Variants in LRP1B observed in about 807,000 individuals in gnomAD.
The protein encoded by LRP1B is LDL receptor related protein 1B.
LRP1B carries 217 observed loss-of-function variants against 556.6 expected under a neutral mutation model. The observed-to-expected ratio is 0.39, with a 90% CI of 0.35 to 0.44. The LOEUF (loss-of-function observed/expected upper bound fraction) is 0.44, where lower values mean the gene tolerates loss of function less well. LRP1B is among the 20% of genes least tolerant of loss of function. LRP1B has a pLI of 1.00. For synonymous variants in LRP1B, 2,047 were observed against 1,865.8 expected (o/e 1.10, Z -2.50); for missense variants, 5,053 against 5,620.8 (o/e 0.90, Z 3.23).
intron 2 of LRP1B, among the ~76,000 whole-genome samples, chr2:141,776,401 T>A (rs1695073382): frequency 6.6e-6 from 1 of 152,242 alleles, no homozygotes; most frequent in Non-Finnish European, 1.5e-5. Flanking sequence ...GCTGCGACAC[T>A]CAGAGTCCAT....
rs1685403171 is a variant in LRP1B, at chr2:141,544,313, C to CTTCTTCTTCTT, written c.206-63791_206-63781dup. On this transcript the variant is annotated intron_variant, in intron 2 of 90. Coordinates refer to ENST00000389484, the MANE Select transcript of LRP1B (RefSeq NM_018557.3). ...ATTTACCACTCTTCTTCTTCTTCTT[C>CTTCTTCTTCTT]TTCTTCTTCTTCTTCTTCTTCTTCT... 3.9e-4 allele frequency among the ~76,000 whole-genome samples: 10 copies of CTTCTTCTTCTT among 25,562 alleles called. 1 individual carries two copies. Among genetic ancestry groups the CTTCTTCTTCTT allele is most frequent in the African/African-American group, 1.6e-3 (7 of 4,368 alleles). The allele number at this position is 25,562 out of a possible 152,430, so 16.8% of individuals were successfully genotyped here. A position where few individuals can be genotyped will look rare whatever the true frequency, so the allele number is the denominator to read the frequency against.
chr2:141,996,721 C>CG (rs1384871872), intron 1 of LRP1B, among the ~76,000 whole-genome samples: 71 of 149,938 alleles, frequency 4.7e-4, no homozygotes, highest in African/African-American at 1.3e-3. Context: ...TTTCCCCCCC[C>CG]CTACAAACTA....
chr2:141,231,661 T>C (rs916316772), intron 5 of LRP1B, among the ~76,000 whole-genome samples: 55 of 120,996 alleles, frequency 4.5e-4, no homozygotes, highest in African/African-American at 1.7e-3. Flanking sequence ...GCAACCTTCC[T>C]TTCTTAAATT....
chr2:141,954,180 T>C (rs894690279), intron 1 of LRP1B, among the ~76,000 whole-genome samples: 1 of 152,106 alleles, frequency 6.6e-6, no homozygotes, highest in African/African-American at 2.4e-5. Flanking sequence ...TAAATTAAAC[T>C]GCTTATTTAG....
At chr2:140,334,360 A>G in intron 79 of LRP1B, 93 bp downstream of exon 79, 1 of 785,578 alleles carries the variant, frequency 1.3e-6, no homozygotes, top group Non-Finnish European at 2.2e-6. Flanking sequence ...CACTTGTAAA[A>G]ATACTTATAT....
chr2:140,450,171 CT>C (rs1046406024), intron 63 of LRP1B, among the ~76,000 whole-genome samples: 5 of 152,096 alleles, frequency 3.3e-5, no homozygotes, highest in African/African-American at 1.2e-4. Flanking sequence ...AATTATATTA[CT>C]TAAAGATAAG....
intron 50 of LRP1B, among the ~76,000 whole-genome samples, 184 bp downstream of exon 50, chr2:140,516,705 T>C (rs1033063803): frequency 3.3e-5 from 5 of 152,122 alleles, no homozygotes; most frequent in African/African-American, 1.2e-4. Context: ...CAAAGAGTGT[T>C]AGTCTTCATT....
chr2:140,993,896 A>C (rs1182306491), intron 16 of LRP1B, 99 bp downstream of exon 16: 2 of 1,232,100 alleles, frequency 1.6e-6, no homozygotes, highest in Non-Finnish European at 2.3e-6. Flanking sequence ...TTCAATCTGC[A>C]TCAAAGGTAT....
intron 2 of LRP1B, among the ~76,000 whole-genome samples, chr2:141,644,509 C>A (rs893996055): frequency 6.6e-6 from 1 of 152,032 alleles, no homozygotes; most frequent in Non-Finnish European, 1.5e-5. Context: ...CGGACTGATA[C>A]AATCAGCAAT....
At chr2:141,031,791 A>G (rs1698380061) in intron 11 of LRP1B, among the ~76,000 whole-genome samples, 1 of 152,014 alleles carries the variant, frequency 6.6e-6, no homozygotes, top group African/African-American at 2.4e-5. Context: ...CTTAGCAGAC[A>G]AAAGACAAAC....
At chr2:141,663,323 A>AAAT (rs1271026163) in intron 2 of LRP1B, among the ~76,000 whole-genome samples, 1 of 152,302 alleles carries the variant, frequency 6.6e-6, no homozygotes, top group East Asian at 1.9e-4. Flanking sequence ...AGAAGACAAG[A>AAAT]AATAACCAAG....
At chr2:141,583,926 G>A (rs951833381) in intron 2 of LRP1B, among the ~76,000 whole-genome samples, 6 of 147,040 alleles carry the variant, frequency 4.1e-5, no homozygotes, top group African/African-American at 1.6e-4. Flanking sequence ...TTTTAGTAGC[G>A]ATGGGGTTTC....
intron 2 of LRP1B, among the ~76,000 whole-genome samples, chr2:141,723,468 T>C (rs987653539): frequency 2.6e-5 from 4 of 151,766 alleles, no homozygotes; most frequent in Non-Finnish European, 4.4e-5. Context: ...GGTATAGCTA[T>C]AGAACTGCAT....
chr2:140,604,494 C>T (rs1190643525), intron 41 of LRP1B, among the ~76,000 whole-genome samples: 2 of 152,086 alleles, frequency 1.3e-5, no homozygotes, highest in Non-Finnish European at 2.9e-5. Flanking sequence ...ATCCAAAGGA[C>T]TTCAGTTCAT....
chr2:140,872,262 G>A (rs556991001), intron 25 of LRP1B, among the ~76,000 whole-genome samples: 3 of 150,722 alleles, frequency 2.0e-5, no homozygotes, highest in Non-Finnish European at 4.4e-5. Context: ...GCTCCCTTTC[G>A]GGGAAAACCG....
intron 2 of LRP1B, among the ~76,000 whole-genome samples, chr2:141,560,657 A>C (rs1431256533): frequency 6.6e-6 from 1 of 151,714 alleles, no homozygotes; most frequent in African/African-American, 2.4e-5. Flanking sequence ...TTTGTAGCAG[A>C]GGCAATCAAT....
intron 85 of LRP1B, among the ~76,000 whole-genome samples, chr2:140,273,574 C>T (rs1379769772): frequency 2.0e-5 from 3 of 152,038 alleles, no homozygotes; most frequent in Non-Finnish European, 4.4e-5. Context: ...CAACATAACT[C>T]ATTCGGCACC....
intron 5 of LRP1B, among the ~76,000 whole-genome samples, chr2:141,241,629 A>C (rs903468387): frequency 6.6e-6 from 1 of 151,992 alleles, no homozygotes; most frequent in Non-Finnish European, 1.5e-5. Flanking sequence ...CAGTACCCTC[A>C]TTTCGCTTCC....
chr2:140,495,251 G>A (rs1688867995), intron 56 of LRP1B, among the ~76,000 whole-genome samples: 2 of 151,158 alleles, frequency 1.3e-5, no homozygotes, highest in African/African-American at 4.9e-5. Context: ...CTCTTTAACA[G>A]TTTTAGCCAA....
Sources: gnomAD v4.1 joint callset for allele counts (sites outside exome capture counted in the v4.1 genomes callset) on GRCh38, gnomAD v4.1.1 for gene constraint, MANE v1.5 for transcripts, NCBI Gene and HGNC (gene_info 2026-07-23, HGNC 2026-07-21) for gene names.